The following ZNF540 variants were observed in gnomAD, a reference collection of about 807,000 sequenced individuals.
The protein encoded by ZNF540 is zinc finger protein 540.
ZNF540 carries 3 observed loss-of-function variants against 11.8 expected under a neutral mutation model. That is an observed-to-expected ratio of 0.25 (90% CI 0.12 to 0.65). The LOEUF (loss-of-function observed/expected upper bound fraction) is 0.65, where lower values mean the gene tolerates loss of function less well. Among genes scored for constraint, ZNF540 ranks in the 30% least tolerant of loss-of-function variants. ZNF540 has a pLI of 0.83. For missense variants in ZNF540, 709 were observed against 793.1 expected (o/e 0.89, Z 1.27); for synonymous variants, 247 against 259.0 (o/e 0.95, Z 0.45).
At position 37,613,833 on chromosome 19, in the gene ZNF540, G is replaced by C; in HGVS notation, c.*570G>C. 1 of 398,546 alleles carries C rather than the reference G, an allele frequency of 2.5e-6. No homozygotes were observed. Among genetic ancestry groups the C allele is most frequent in the Middle Eastern group, 6.3e-4 (1 of 1,588 alleles). 24.7% of individuals were successfully genotyped at this position (398,546 alleles called of 1,614,324 possible). On this transcript the variant is annotated 3_prime_UTR_variant, in exon 5 of 5. Coordinates refer to ENST00000316433, the MANE Select transcript of ZNF540 (RefSeq NM_001172225.3). ...CGTAACAATTCCTATGTTGAAACACGAATCCCAAGGTGATGGTATTTGAAG... is the reference window on the plus strand; with the variant it reads ...CGTAACAATTCCTATGTTGAAACACCAATCCCAAGGTGATGGTATTTGAAG...
At position 37,598,056 on chromosome 19, in the gene ZNF540, AG is replaced by A. The variant is rs2044009986; in HGVS notation, c.-72-317del. ...TGTCCCCTTTGGATGGTGAGAATTG[AG>A]GGAAGAGAATCTACTCTGGGCAATT... On this transcript the variant is annotated intron_variant, in intron 1 of 4. Coordinates refer to ENST00000316433, the MANE Select transcript of ZNF540 (RefSeq NM_001172225.3). 5.9e-5 allele frequency among the ~76,000 whole-genome samples: 9 copies of A among 152,326 alleles called. No individual in the cohort carries two copies. In the South Asian group the frequency reaches 1.9e-3, roughly 32 times the overall value.
chr19:37,581,113 A>G (rs1250318703), intron 1 of ZNF540, among the ~76,000 whole-genome samples: 1 of 152,218 alleles, frequency 6.6e-6, no homozygotes, highest in East Asian at 1.9e-4. Context: ...TGAAGCCTTA[A>G]AACGTGAGAC....
chr19:37,613,202 G>C lies in ZNF540; in HGVS notation c.1922G>C (p.Arg641Thr). ...AAACCCTATGAGTGTAAGGTATGTA[G>C]AAAGGCCTTTAGACAATATTCACAT... ...GEKPYECKVCRKAFRQYSHLY... is the reference protein window; with the variant it reads ...GEKPYECKVCTKAFRQYSHLY... Residue 641 changes from arginine (R) to threonine (T), a missense_variant, in exon 5 of 5, where the codon AGA becomes ACA. Coordinates refer to ENST00000316433, the MANE Select transcript of ZNF540 (RefSeq NM_001172225.3). The C allele has an allele frequency of 6.3e-7, 1 of 1,591,562 alleles. No homozygotes were observed. Among genetic ancestry groups the C allele is most frequent in the South Asian group, 1.1e-5 (1 of 87,402 alleles).
At chr19:37,580,332 C>A (rs1402782607) in intron 1 of ZNF540, among the ~76,000 whole-genome samples, 1 of 152,238 alleles carries the variant, frequency 6.6e-6, no homozygotes, top group East Asian at 1.9e-4. Context: ...CAGTCTTCAC[C>A]ATCACAGGAT....
intron 4 of ZNF540, among the ~76,000 whole-genome samples, chr19:37,606,088 A>G (rs766407677): frequency 1.3e-5 from 2 of 152,156 alleles, no homozygotes; most frequent in Non-Finnish European, 2.9e-5. Flanking sequence ...CCCTTCTTCA[A>G]TCTACAGCTT....
chr19:37,594,379 C>T (rs2043955285), upstream of ZNF540: 1 of 152,386 alleles, frequency 6.6e-6, no homozygotes, highest in African/African-American at 2.4e-5. Flanking sequence ...CGCACACGCA[C>T]ACGTCCAGGG....
At chr19:37,566,007 A>C (rs763065344) in intron 1 of ZNF540, 3 of 1,614,020 alleles carry the variant, frequency 1.9e-6, no homozygotes, top group Non-Finnish European at 2.5e-6. Context: ...CATTCCTTAC[A>C]TTTGTACAAT....
rs1482419924 is a variant in ZNF540 at position 37,612,829 on chromosome 19, C to T, written c.1549C>T (p.His517Tyr). ...CTACCTTACTGAACACCAGAGAATT[C>T]ACACTGGTGAAAAGCCCTATAAATG... Reference protein sequence around the residue: ...GFYLTEHQRIHTGEKPYKCKE... With the variant: ...GFYLTEHQRIYTGEKPYKCKE... Residue 517 changes from histidine to tyrosine, a missense_variant, in exon 5 of 5, where the codon CAC (histidine) becomes TAC (tyrosine). Transcript: ENST00000316433. 6.2e-7 allele frequency: 1 copy of T among 1,613,934 alleles called. No homozygotes were observed. Among genetic ancestry groups the T allele is most frequent in the African/African-American group, 1.3e-5 (1 of 74,916 alleles).
rs116064131 is a variant in ZNF540 at position 37,565,232 on chromosome 19, G to T, written c.-73+13567G>T. The T allele has an allele frequency of 1.7e-5, 28 of 1,613,188 alleles. No individual in the cohort carries two copies. The East Asian group carries it at 6.0e-4, about 35-fold the overall frequency. On this transcript the variant is annotated intron_variant, in intron 1 of 4. Transcript: ENST00000592533. Reference sequence around the variant, plus strand: ...AATAAGATTAGAATTAGAAATAAAGGCTTTCCCACATTCTTTGCATTTATA... The same window carrying T: ...AATAAGATTAGAATTAGAAATAAAGTCTTTCCCACATTCTTTGCATTTATA...
At chr19:37,568,134 C>T (rs1052759025) in intron 1 of ZNF540, among the ~76,000 whole-genome samples, 11 of 152,140 alleles carry the variant, frequency 7.2e-5, no homozygotes, top group African/African-American at 2.7e-4. Context: ...ACTGGATCAG[C>T]AGGCACAGGG....
intron 1 of ZNF540, among the ~76,000 whole-genome samples, chr19:37,577,203 T>A (rs2147180512): frequency 6.6e-6 from 1 of 152,282 alleles, no homozygotes; most frequent in East Asian, 1.9e-4. Context: ...CAACCTTTCA[T>A]CACCCTCCTC....
chr19:37,565,365 T>C lies in ZNF540; in HGVS notation c.-73+13700T>C, dbSNP rs775358388. 2.5e-6 allele frequency: 4 copies of C among 1,613,870 alleles called. No homozygotes were observed. The East Asian group carries it at 8.9e-5, about 36-fold the overall frequency. The stretch of plus-strand genomic sequence containing the variant: ...TAGGGTTTCTCTCCTGTATGAATTC[T>C]CTGATGTTCATTCAGTTGGGAGGCA... On this transcript the variant is annotated intron_variant, in intron 1 of 4. Transcript: ENST00000592533.
intron 1 of ZNF540, among the ~76,000 whole-genome samples, chr19:37,576,357 G>C (rs1215468814): frequency 6.6e-6 from 1 of 152,012 alleles, no homozygotes; most frequent in Non-Finnish European, 1.5e-5. Flanking sequence ...TTCATTTTTA[G>C]TAACACTTGC....
chr19:37,600,045 A>G (rs1482489469), intron 3 of ZNF540, among the ~76,000 whole-genome samples: 1 of 152,192 alleles, frequency 6.6e-6, no homozygotes, highest in Non-Finnish European at 1.5e-5. Flanking sequence ...GCCAATGTCA[A>G]TGAAATCAGG....
chr19:37,594,697 A>C, upstream of ZNF540: 1 of 152,436 alleles, frequency 6.6e-6, no homozygotes, highest in Admixed American at 6.5e-5. Flanking sequence ...TCGATGAAGC[A>C]ACCCAAAAGC....
intron 1 of ZNF540, chr19:37,584,228 G>T: frequency 8.3e-7 from 1 of 1,197,672 alleles, no homozygotes; most frequent in Non-Finnish European, 1.2e-6. Context: ...CTAAACAGTA[G>T]TATTAACCTG....
chr19:37,564,613 T>G, intron 1 of ZNF540: 1 of 1,539,512 alleles, frequency 6.5e-7, no homozygotes, highest in Non-Finnish European at 8.7e-7. Flanking sequence ...TATGAAGCCT[T>G]GTATGTTGAG....
chr19:37,583,082 T>C (rs987297154), intron 1 of ZNF540, among the ~76,000 whole-genome samples: 1 of 152,210 alleles, frequency 6.6e-6, no homozygotes, highest in African/African-American at 2.4e-5. Flanking sequence ...TCTTGCTGAT[T>C]CTCAAACAAG....
intron 1 of ZNF540, among the ~76,000 whole-genome samples, chr19:37,574,058 T>C (rs2043159902): frequency 6.6e-6 from 1 of 152,188 alleles, no homozygotes; most frequent in Non-Finnish European, 1.5e-5. Context: ...ACATATACTT[T>C]TTCTATGCTC....
Sources: gnomAD v4.1 joint callset for allele counts (sites outside exome capture counted in the v4.1 genomes callset) on GRCh38, gnomAD v4.1.1 for gene constraint, MANE v1.5 for transcripts, NCBI Gene and HGNC (gene_info 2026-07-23, HGNC 2026-07-21) for gene names.